The following BCAT1 variants were observed in gnomAD, a reference collection of about 807,000 sequenced individuals.
The protein encoded by BCAT1 is branched-chain-amino-acid aminotransferase, cytosolic.
BCAT1 carries 48 observed loss-of-function variants against 52.4 expected under a neutral mutation model. The ratio of observed to expected loss-of-function variants is 0.92; its 90% CI spans 0.73 to 1.16. The LOEUF (loss-of-function observed/expected upper bound fraction) is 1.16. Among genes scored for constraint, BCAT1 ranks in the 50% most tolerant of loss-of-function variants. The pLI is 0.00. For synonymous variants in BCAT1, 167 were observed against 161.3 expected (o/e 1.04, Z -0.27); for missense variants, 451 against 457.1 (o/e 0.99, Z 0.12).
In BCAT1 at chr12:24,836,533, A is replaced by C; in HGVS notation, c.881T>G (p.Ile294Ser). The C allele has an allele frequency of 6.2e-7, 1 of 1,613,146 alleles. No individual in the cohort carries two copies. The highest frequency in any genetic ancestry group is 8.5e-7 in the Non-Finnish European group (1 of 1,179,596). Reference protein sequence around the residue: ...IILPGVTRRCILDLAHQWGEF... With the variant: ...IILPGVTRRCSLDLAHQWGEF... ...CACCCACTGATGTGCCAGGTCCAGA[A>C]TGCACCGCCTTGTCACTCCTGGAAG... The change falls in exon 8 of 11, where the codon ATT becomes AGT. Residue 294 changes from isoleucine (I) to serine (S), a missense_variant. Ile to Ser is a moderately radical substitution (Grantham distance 142). Transcript: ENST00000261192.
intron 5 of BCAT1, among the ~76,000 whole-genome samples, chr12:24,854,737 T>C (rs998972424): frequency 3.9e-5 from 6 of 152,234 alleles, no homozygotes; most frequent in African/African-American, 1.4e-4. Flanking sequence ...ATAATTCCTA[T>C]TTTTAGGTTG....
chr12:24,882,402 T>C (rs1339873254), intron 3 of BCAT1, among the ~76,000 whole-genome samples: 1 of 152,052 alleles, frequency 6.6e-6, no homozygotes, highest in Non-Finnish European at 1.5e-5. Flanking sequence ...AAAAAAGAAA[T>C]ACAAATCATG....
intron 7 of BCAT1, among the ~76,000 whole-genome samples, chr12:24,841,779 G>T (rs995011082): frequency 6.6e-6 from 1 of 152,068 alleles, no homozygotes; most frequent in African/African-American, 2.4e-5. Context: ...CATGGTGGCA[G>T]GCTCCTGCAA....
At chr12:24,826,652 G>A (rs1940409960) in intron 10 of BCAT1, among the ~76,000 whole-genome samples, 1 of 152,064 alleles carries the variant, frequency 6.6e-6, no homozygotes, top group Non-Finnish European at 1.5e-5. Flanking sequence ...TTTTAGGATT[G>A]TTTTTTCTAT....
intron 2 of BCAT1, among the ~76,000 whole-genome samples, chr12:24,898,091 A>T (rs1250702626): frequency 1.3e-5 from 2 of 152,176 alleles, no homozygotes; most frequent in Non-Finnish European, 2.9e-5. Context: ...GGCAGATATG[A>T]AATGTAGTTT....
chr12:24,906,350 G>C (rs1016423187), intron 1 of BCAT1, among the ~76,000 whole-genome samples: 1 of 152,106 alleles, frequency 6.6e-6, no homozygotes, highest in Non-Finnish European at 1.5e-5. Context: ...GGAGGAGTCT[G>C]GTTTGGGACC....
intron 2 of BCAT1, 53 bp from the exon 3 acceptor site, chr12:24,894,528 G>A: frequency 7.0e-7 from 1 of 1,438,398 alleles, no homozygotes. Context: ...GCATTCGCTG[G>A]CTAGATTATA....
chr12:24,928,649 A>AC (rs1272826218), intron 1 of BCAT1, among the ~76,000 whole-genome samples: 1 of 151,332 alleles, frequency 6.6e-6, no homozygotes, highest in African/African-American at 2.4e-5. Context: ...AAAAAAAAAA[A>AC]ACCAAGAAAA....
Position 24,894,334 on chromosome 12 carries a change from T to C in BCAT1, c.220A>G (p.Lys74Glu), listed in dbSNP as rs760001289. ...SEFGWEKPHI[K>E]PLQNLSLHPG... ...TGCAATGACAGGTTCTGAAGAGGCT[T>C]GATATGAGGTTTCTCCCATCCAAAC... is the stretch of plus-strand genomic sequence containing the variant. The change falls in exon 3 of 11, where the codon AAG becomes GAG. Residue 74 changes from lysine to glutamate, a missense_variant. Physicochemically the swap from Lys to Glu is moderately conservative, Grantham distance 56 (BLOSUM62 1). Coordinates refer to ENST00000261192, the MANE Select transcript of BCAT1 (RefSeq NM_005504.7). The C allele has an allele frequency of 4.3e-6, 7 of 1,613,946 alleles. No individual in the cohort carries two copies. The South Asian group carries it at 4.4e-5, about 10-fold the overall frequency.
chr12:24,822,972 T>TA (rs1940205595), intron 10 of BCAT1, among the ~76,000 whole-genome samples: 1 of 152,080 alleles, frequency 6.6e-6, no homozygotes, highest in Non-Finnish European at 1.5e-5. Context: ...CTGCTTAAAC[T>TA]ATATATTTTA....
At position 24,815,083 on chromosome 12, in the gene BCAT1, A is replaced by G. The variant is rs1234120742; in HGVS notation, c.*2925T>C. Reference sequence around the variant, plus strand: ...TGAATCCTTAATAAATGACTGCCACAAAGAAAATTTCTAACAGCAAATCTT... The same window carrying G: ...TGAATCCTTAATAAATGACTGCCACGAAGAAAATTTCTAACAGCAAATCTT... On this transcript the variant is annotated 3_prime_UTR_variant, in exon 11 of 11. Transcript: ENST00000261192. 6.6e-6 allele frequency: 1 copy of G among 152,210 alleles called. No homozygotes were observed. Among genetic ancestry groups the G allele is most frequent in the Non-Finnish European group, 1.5e-5 (1 of 68,030 alleles). 9.4% of individuals were successfully genotyped at this position (152,210 alleles called of 1,614,324 possible). A position where few individuals can be genotyped will look rare whatever the true frequency, so the allele number is the denominator to read the frequency against.
intron 2 of BCAT1, among the ~76,000 whole-genome samples, chr12:24,900,064 GTTT>G (rs1943058156): frequency 6.6e-6 from 1 of 152,080 alleles, no homozygotes; most frequent in East Asian, 1.9e-4. Flanking sequence ...GTTTGTTTTT[GTTT>G]TTGTTTTTTG....
intron 3 of BCAT1, among the ~76,000 whole-genome samples, chr12:24,890,270 C>T (rs751332735): frequency 2.0e-5 from 3 of 152,062 alleles, no homozygotes; most frequent in Non-Finnish European, 4.4e-5. Flanking sequence ...GCCCTTAACC[C>T]ATGGGATCTG....
intron 5 of BCAT1, among the ~76,000 whole-genome samples, chr12:24,872,136 G>A (rs558702089): frequency 1.3e-3 from 196 of 152,296 alleles, no homozygotes; most frequent in African/African-American, 4.6e-3. Flanking sequence ...AGATGTATAA[G>A]CACAAATAGA....
intron 3 of BCAT1, among the ~76,000 whole-genome samples, chr12:24,887,080 A>AAATATATATATATATATATAT (rs1245203518): frequency 4.9e-5 from 2 of 40,746 alleles, no homozygotes; most frequent in African/African-American, 7.7e-5. Flanking sequence ...AAAAAAAAAA[A>AAATATATATATATATATATAT]ATATATATAT....
intron 10 of BCAT1, among the ~76,000 whole-genome samples, chr12:24,823,369 T>C (rs1182804224): frequency 6.6e-6 from 1 of 152,166 alleles, no homozygotes; most frequent in African/African-American, 2.4e-5. Context: ...CCACCATGCC[T>C]GGCCACCTTC....
At chr12:24,851,161 A>G (rs1941499740) in intron 5 of BCAT1, among the ~76,000 whole-genome samples, 1 of 152,194 alleles carries the variant, frequency 6.6e-6, no homozygotes, top group Non-Finnish European at 1.5e-5. Context: ...CACATGAAGT[A>G]AAAAAACAAG....
chr12:24,939,574 C>T (rs953704323), intron 1 of BCAT1, among the ~76,000 whole-genome samples: 2 of 152,170 alleles, frequency 1.3e-5, no homozygotes, highest in African/African-American at 2.4e-5. Flanking sequence ...CAGTGGCTCA[C>T]GCCTGTAATC....
intron 1 of BCAT1, among the ~76,000 whole-genome samples, chr12:24,928,632 C>CAAA (rs34227038): frequency 1.2e-5 from 1 of 85,354 alleles, no homozygotes; most frequent in Non-Finnish European, 2.0e-5. Flanking sequence ...GAGACAGTCT[C>CAAA]AAAAAAAAAA....
Sources: gnomAD v4.1 joint callset for allele counts (sites outside exome capture counted in the v4.1 genomes callset) on GRCh38, gnomAD v4.1.1 for gene constraint, MANE v1.5 for transcripts, NCBI Gene and HGNC (gene_info 2026-07-23, HGNC 2026-07-21) for gene names.